Variants in ARB2A observed in about 807,000 individuals in gnomAD.
ARB2A encodes the protein cotranscriptional regulator ARB2A.
At chr5:93,727,956 T>C in the ARB2A span, among the ~76,000 whole-genome samples, 1 of 152,136 alleles carries the variant, frequency 6.6e-6, no homozygotes, top group Non-Finnish European at 1.5e-5. Flanking sequence ...CAGTTTTATA[T>C]GGACTCATTT....
the ARB2A span, among the ~76,000 whole-genome samples, chr5:94,038,147 G>T: frequency 6.6e-6 from 1 of 152,060 alleles, no homozygotes; most frequent in African/African-American, 2.4e-5. Context: ...AATGTCTGCT[G>T]AATTATAAAT....
At chr5:94,062,498 G>T in the ARB2A span, among the ~76,000 whole-genome samples, 2 of 152,166 alleles carry the variant, frequency 1.3e-5, no homozygotes, top group Non-Finnish European at 2.9e-5. Flanking sequence ...AGGCTCCCCA[G>T]TGTGGGAAAA....
the ARB2A span, among the ~76,000 whole-genome samples, chr5:93,678,308 C>T: frequency 6.6e-6 from 1 of 152,128 alleles, no homozygotes; most frequent in Non-Finnish European, 1.5e-5. Flanking sequence ...TTCAGTTATC[C>T]TTCCATCAGA....
chr5:93,874,337 C>CT, the ARB2A span, among the ~76,000 whole-genome samples: 5 of 152,224 alleles, frequency 3.3e-5, no homozygotes, highest in African/African-American at 1.2e-4. Flanking sequence ...AGACTGGGGC[C>CT]TTTAGATAGC....
the ARB2A span, among the ~76,000 whole-genome samples, chr5:93,686,606 T>C: frequency 2.0e-5 from 3 of 152,202 alleles, no homozygotes; most frequent in Non-Finnish European, 2.9e-5. Context: ...TTCTCAACCT[T>C]TGCTGGAAGA....
At chr5:93,891,575 T>C in the ARB2A span, among the ~76,000 whole-genome samples, 15 of 152,230 alleles carry the variant, frequency 9.9e-5, no homozygotes, top group East Asian at 2.9e-3. Flanking sequence ...CAGACAAATG[T>C]ATACTCCAAT....
the ARB2A span, among the ~76,000 whole-genome samples, chr5:94,083,424 A>G: frequency 9.2e-5 from 14 of 152,210 alleles, no homozygotes; most frequent in Non-Finnish European, 1.3e-4. Flanking sequence ...GAAAACCATA[A>G]TAACTTCAAT....
At chr5:93,871,847 A>G in the ARB2A span, among the ~76,000 whole-genome samples, 32 of 152,196 alleles carry the variant, frequency 2.1e-4, no homozygotes, top group Non-Finnish European at 8.8e-5. Context: ...TGACCTTAAT[A>G]AAGTTAAACA....
At chr5:93,801,670 G>A in the ARB2A span, among the ~76,000 whole-genome samples, 1 of 152,072 alleles carries the variant, frequency 6.6e-6, no homozygotes, top group African/African-American at 2.4e-5. Flanking sequence ...GAGGGCACAT[G>A]CACACACACT....
At chr5:93,780,575 T>C in the ARB2A span, among the ~76,000 whole-genome samples, 2 of 151,166 alleles carry the variant, frequency 1.3e-5, no homozygotes, top group African/African-American at 4.9e-5. Flanking sequence ...CTCTCTTTCT[T>C]TCTTTTGGAG....
the ARB2A span, among the ~76,000 whole-genome samples, chr5:93,991,758 A>C: frequency 6.6e-5 from 10 of 152,014 alleles, no homozygotes; most frequent in African/African-American, 2.2e-4. Context: ...AAAAATGAAC[A>C]CTGCTTCAGT....
At chr5:94,049,446 C>T in the ARB2A span, among the ~76,000 whole-genome samples, 76 of 152,188 alleles carry the variant, frequency 5.0e-4, no homozygotes, top group African/African-American at 1.8e-3. Flanking sequence ...ACCTGTAATC[C>T]CAGTACTCTG....
At chr5:94,027,742 A>C in the ARB2A span, among the ~76,000 whole-genome samples, 1,483 of 152,314 alleles carry the variant, frequency 9.7e-3, 10 homozygotes, top group Non-Finnish European at 0.016. Flanking sequence ...ATAAACAGGC[A>C]AACATGTTTC....
chr5:93,958,772 C>T, the ARB2A span: 1 of 1,482,014 alleles, frequency 6.7e-7, no homozygotes, highest in Non-Finnish European at 9.0e-7. Flanking sequence ...GGAAATTGTA[C>T]TTACAGCCAC....
chr5:94,085,674 A>C, the ARB2A span, among the ~76,000 whole-genome samples: 1 of 152,198 alleles, frequency 6.6e-6, no homozygotes, highest in Non-Finnish European at 1.5e-5. Context: ...GAATATCAAG[A>C]AGCAAAGATC....
chr5:94,042,342 T>TG, the ARB2A span, among the ~76,000 whole-genome samples: 10 of 141,174 alleles, frequency 7.1e-5, no homozygotes, highest in South Asian at 2.1e-3. Context: ...TTTTTTGAGA[T>TG]GGGGTCTCGC....
At chr5:93,802,459 C>A in the ARB2A span, among the ~76,000 whole-genome samples, 138,323 of 152,114 alleles carry the variant, frequency 0.91, 63,280 homozygotes, top group East Asian at 1. Flanking sequence ...CAAATTAATA[C>A]GATAAACAAT....
the ARB2A span, among the ~76,000 whole-genome samples, chr5:93,790,853 C>T: frequency 5.3e-5 from 8 of 152,236 alleles, no homozygotes; most frequent in Admixed American, 3.3e-4. Flanking sequence ...TAGAATTAGA[C>T]GTGCTTAGAT....
chr5:93,935,577 G>T, the ARB2A span, among the ~76,000 whole-genome samples: 16 of 152,100 alleles, frequency 1.1e-4, no homozygotes, highest in Non-Finnish European at 1.5e-4. Flanking sequence ...AGGTGGGCAG[G>T]GGCCAAAATA....
Sources: allele counts gnomAD v4.1 joint callset (sites outside exome capture counted in the v4.1 genomes callset), GRCh38; gene constraint gnomAD v4.1.1; transcripts MANE v1.5; gene names NCBI Gene and HGNC (gene_info 2026-07-23, HGNC 2026-07-21).